Variants in MALRD1 observed in about 807,000 individuals in gnomAD.
The protein encoded by MALRD1 is MAM and LDL receptor class A domain containing 1.
Under a neutral mutation model 242.1 loss-of-function variants are expected in MALRD1, and 247 were observed. The ratio of observed to expected loss-of-function variants is 1.02; its 90% CI spans 0.92 to 1.13. The LOEUF (loss-of-function observed/expected upper bound fraction) is 1.13. MALRD1 is among the 50% of genes most tolerant of loss of function. The pLI is 0.00. For missense variants in MALRD1, 2,989 were observed against 2,533.1 expected (o/e 1.18, Z -3.86); for synonymous variants, 995 against 866.6 (o/e 1.15, Z -2.60).
At chr10:19,420,187 C>A (rs2130912543) in intron 28 of MALRD1, among the ~76,000 whole-genome samples, 1 of 152,020 alleles carries the variant, frequency 6.6e-6, no homozygotes, top group East Asian at 1.9e-4. Flanking sequence ...ACTGAGCAGG[C>A]TAAACTAATT....
chr10:19,539,852 T>TTTTGTGTGTGTGTGTGTGTGTG (rs1554795755), intron 32 of MALRD1, among the ~76,000 whole-genome samples: 11 of 64,328 alleles, frequency 1.7e-4, no homozygotes, highest in Admixed American at 4.1e-4. Flanking sequence ...ACACCCAGCT[T>TTTTGTGTGTGTGTGTGTGTGTG]TGTGCGTGTG....
At chr10:19,426,469 A>G (rs1005647926) in intron 28 of MALRD1, among the ~76,000 whole-genome samples, 2 of 152,160 alleles carry the variant, frequency 1.3e-5, no homozygotes, top group African/African-American at 4.8e-5. Flanking sequence ...CATGATATAT[A>G]TATGTAATTT....
Position 19,719,189 on chromosome 10 carries a change from T to TATAC in MALRD1, c.6315-11516_6315-11515insTACA, listed in dbSNP as rs1317498264. Among the ~76,000 whole-genome samples, 61 of 36,642 alleles carry TATAC rather than the reference T, an allele frequency of 1.7e-3. 3 individuals are homozygous for TATAC. In the East Asian group the frequency reaches 0.027, roughly 16 times the overall value. 24.0% of individuals were successfully genotyped at this position (36,642 alleles called of 152,430 possible). On this transcript the variant is annotated intron_variant, in intron 38 of 39. Transcript: ENST00000454679. The stretch of plus-strand genomic sequence containing the variant: ...ATATATACATACATATATATATATA[T>TATAC]ACATACATATATATATATATATACA...
chr10:19,153,987 C>T (rs1834036649), intron 11 of MALRD1, among the ~76,000 whole-genome samples: 3 of 151,934 alleles, frequency 2.0e-5, no homozygotes, highest in Non-Finnish European at 2.9e-5. Context: ...TGAATTTTAC[C>T]TAAACCTGAG....
chr10:19,118,757 G>C (rs1435276467), intron 5 of MALRD1, among the ~76,000 whole-genome samples: 1 of 152,182 alleles, frequency 6.6e-6, no homozygotes, highest in Non-Finnish European at 1.5e-5. Context: ...CTGTAGATGA[G>C]AGGAGGAGTC....
intron 26 of MALRD1, among the ~76,000 whole-genome samples, chr10:19,364,285 G>A (rs960531126): frequency 6.6e-6 from 1 of 152,068 alleles, no homozygotes; most frequent in Non-Finnish European, 1.5e-5. Flanking sequence ...TACTTGATAT[G>A]CTAACTTAAA....
intron 28 of MALRD1, among the ~76,000 whole-genome samples, chr10:19,434,020 A>T (rs1457566131): frequency 6.6e-6 from 1 of 152,158 alleles, no homozygotes; most frequent in Admixed American, 6.5e-5. Context: ...GAAAACAGAG[A>T]AAGACTGGTA....
chr10:19,353,443 A>G (rs1609831), intron 26 of MALRD1, among the ~76,000 whole-genome samples: 118,620 of 152,158 alleles, frequency 0.78, 46,832 homozygotes, highest in African/African-American at 0.9. Flanking sequence ...GCTCTGGCTT[A>G]TAACATAGTA....
At chr10:19,176,366 C>CCTTTTTTTTTTTTTTTTTT (rs1484132630) in intron 14 of MALRD1, among the ~76,000 whole-genome samples, 5 of 87,294 alleles carry the variant, frequency 5.7e-5, no homozygotes, top group African/African-American at 2.2e-4. Context: ...TTTCTGGGTG[C>CCTTTTTTTTTTTTTTTTTT]TTTTTTTTTT....
chr10:19,556,936 CTA>C (rs1835746396), intron 32 of MALRD1, among the ~76,000 whole-genome samples: 1 of 152,110 alleles, frequency 6.6e-6, no homozygotes, highest in African/African-American at 2.4e-5. Flanking sequence ...TCCTGTGGCT[CTA>C]TATCCTCGGG....
rs905754065 is a variant in MALRD1 at position 19,165,790 on chromosome 10, G to C, written c.1810G>C (p.Glu604Gln). The C allele has an allele frequency of 8.1e-7, 1 of 1,231,486 alleles. No individual in the cohort carries two copies. The highest frequency in any genetic ancestry group is 1.6e-5 in the African/African-American group (1 of 64,388). 76.3% of individuals were successfully genotyped at this position (1,231,486 alleles called of 1,614,324 possible). Residue 604 changes from glutamate to glutamine, a missense_variant, in exon 13 of 40, where the codon GAA (glutamate) becomes CAA (glutamine). Glu to Gln is a conservative substitution (Grantham distance 29, BLOSUM62 2). Transcript: ENST00000454679. The part of the protein sequence containing the change: ...AKIDLIAEAG[E>Q]STLPFQLILE... ...AATTGATCTCATTGCAGAAGCGGGA[G>C]AATCTACTCTACCTTTTCAGGTAAG...
chr10:19,420,432 A>G (rs1338230340), intron 28 of MALRD1, among the ~76,000 whole-genome samples: 1 of 152,196 alleles, frequency 6.6e-6, no homozygotes, highest in Non-Finnish European at 1.5e-5. Context: ...ACTTATATCT[A>G]ACAAAAGTTA....
At chr10:19,646,662 C>CT (rs1840672719) in intron 36 of MALRD1, among the ~76,000 whole-genome samples, 1 of 151,964 alleles carries the variant, frequency 6.6e-6, no homozygotes, top group African/African-American at 2.4e-5. Flanking sequence ...CTGTTAGGCT[C>CT]TATTAGTTTA....
chr10:19,397,964 G>C (rs192531742), intron 28 of MALRD1, among the ~76,000 whole-genome samples: 193 of 151,082 alleles, frequency 1.3e-3, no homozygotes, highest in Non-Finnish European at 2.1e-3. Context: ...TCTCATTTAA[G>C]ACTCATGTAT....
Position 19,646,955 on chromosome 10 carries a change from AAAG to A in MALRD1, c.6137+31034_6137+31036del, listed in dbSNP as rs376668175. On this transcript the variant is annotated intron_variant, in intron 36 of 39. Coordinates refer to ENST00000454679, the MANE Select transcript of MALRD1 (RefSeq NM_001142308.3). ...GAGCTCTGCTGAGCACTGAGTGATC[AAAG>A]ACCTATGAGAGGTAATTGAGCAGAC... Among the ~76,000 whole-genome samples, 236 of 152,326 alleles carry A rather than the reference AAAG, an allele frequency of 1.5e-3. 1 individual carries two copies. Among genetic ancestry groups the A allele is most frequent in the African/African-American group, 5.3e-3 (219 of 41,580 alleles).
In MALRD1 at chr10:19,327,578, G is replaced by A. The variant is rs1843189094; in HGVS notation, c.3592G>A (p.Asp1198Asn). 1 of 1,549,676 alleles carries A rather than the reference G, an allele frequency of 6.5e-7. No homozygotes were observed. Among genetic ancestry groups the A allele is most frequent in the Non-Finnish European group, 8.7e-7 (1 of 1,146,204 alleles). Reference protein sequence around the residue: ...VGSLQVLIKKDNVTSKLWAQT... With the variant: ...VGSLQVLIKKNNVTSKLWAQT... The stretch of plus-strand genomic sequence containing the variant: ...ATCTCTATAGGTGCTCATCAAGAAA[G>A]ATAACGTTACTTCTAAATTGTGGGC... The change falls in exon 23 of 40, where the codon GAT becomes AAT. Residue 1198 changes from aspartate to asparagine, a missense_variant. By Grantham distance (23) the Asp-to-Asn change is conservative. Coordinates refer to ENST00000454679, the MANE Select transcript of MALRD1 (RefSeq NM_001142308.3).
intron 14 of MALRD1, among the ~76,000 whole-genome samples, chr10:19,202,026 G>A (rs1277929269): frequency 6.6e-6 from 1 of 151,974 alleles, no homozygotes; most frequent in East Asian, 1.9e-4. Flanking sequence ...ATATTGGCCA[G>A]GATGGTCTCG....
chr10:19,146,493 T>G, intron 11 of MALRD1, 149 bp downstream of exon 11: 4 of 632,838 alleles, frequency 6.3e-6, no homozygotes, highest in Non-Finnish European at 4.5e-6. Flanking sequence ...AAGTTAATAA[T>G]TGGCGGGTAA....
At chr10:19,580,757 G>A (rs1298142977) in intron 33 of MALRD1, among the ~76,000 whole-genome samples, 2 of 152,052 alleles carry the variant, frequency 1.3e-5, no homozygotes, top group East Asian at 3.9e-4. Flanking sequence ...TCAGGTACTT[G>A]TTAGCTTCCA....
Sources: gnomAD v4.1 joint callset for allele counts (sites outside exome capture counted in the v4.1 genomes callset) on GRCh38, gnomAD v4.1.1 for gene constraint, MANE v1.5 for transcripts, NCBI Gene and HGNC (gene_info 2026-07-23, HGNC 2026-07-21) for gene names.